The following TCF20 variants were observed in gnomAD, a reference collection of about 807,000 sequenced individuals.
TCF20 encodes the protein SPRE-binding protein.
Under a neutral mutation model 148.6 loss-of-function variants are expected in TCF20, and 3 were observed. The observed-to-expected ratio is 0.02, with a 90% CI of 0.01 to 0.05. TCF20 has a LOEUF of 0.05. Among genes scored for constraint, TCF20 ranks in the 10% least tolerant of loss-of-function variants. TCF20 has a pLI of 1.00. For missense variants in TCF20, 2,350 were observed against 2,429.3 expected, an observed-to-expected ratio of 0.97 and a Z score of 0.69; for synonymous variants, 1,049 against 909.5, an observed-to-expected ratio of 1.15 and a Z score of -2.76.
chr22:42,172,339 T>G (rs1729343477), intron 3 of TCF20, among the ~76,000 whole-genome samples: 1 of 152,196 alleles, frequency 6.6e-6, no homozygotes, highest in South Asian at 2.1e-4. Context: ...GTAAAACCTC[T>G]TCTGAGGACT....
rs1390135127 is a variant in TCF20 at position 42,160,165 on chromosome 22, GATTT to G, written c.*1234_*1237del. The G allele has an allele frequency of 6.6e-6, 1 of 152,420 alleles. No individual in the cohort carries two copies. Among genetic ancestry groups the G allele is most frequent in the Non-Finnish European group, 1.5e-5 (1 of 68,012 alleles). The allele number at this position is 152,420 out of a possible 1,614,324, so 9.4% of individuals were successfully genotyped here. On this transcript the variant is annotated 3_prime_UTR_variant, in exon 6 of 6. Coordinates refer to ENST00000677622, the MANE Select transcript of TCF20 (RefSeq NM_001378418.1). ...TAACCCCTTCTTAAGGCCATAACAA[GATTT>G]TTTTGTACTTTTTTCTTTTTTTAAA...
chr22:42,178,092 G>T (rs995290662), intron 3 of TCF20, among the ~76,000 whole-genome samples: 10 of 152,192 alleles, frequency 6.6e-5, no homozygotes, highest in African/African-American at 2.4e-4. Flanking sequence ...GATTCAGAGG[G>T]CTTCTGGACT....
In TCF20 at chr22:42,213,402, G is replaced by T. The variant is rs1395088146; in HGVS notation, c.1904C>A (p.Thr635Asn). The T allele has an allele frequency of 6.2e-7, 1 of 1,614,056 alleles. No individual in the cohort carries two copies. The highest frequency in any genetic ancestry group is 1.7e-5 in the Admixed American group (1 of 59,996). ...KGSQEDDPAA[T>N]QRPPSNGGAK... The stretch of plus-strand genomic sequence containing the variant: ...CCCACCATTGCTAGGTGGCCTTTGA[G>T]TGGCTGCAGGATCATCCTCTTGGGA... The change falls in exon 2 of 6, where the codon ACT (threonine) becomes AAT (asparagine). Residue 635 changes from threonine (T) to asparagine (N), a missense_variant. Coordinates refer to ENST00000677622, the MANE Select transcript of TCF20 (RefSeq NM_001378418.1).
chr22:42,243,850 G>A (rs1323866255), intron 1 of TCF20, among the ~76,000 whole-genome samples: 1 of 152,140 alleles, frequency 6.6e-6, no homozygotes, highest in Admixed American at 6.5e-5. Context: ...CAGGAAAAAT[G>A]AACCACAATG....
At chr22:42,275,722 G>A (rs1926763221) in intron 1 of TCF20, among the ~76,000 whole-genome samples, 1 of 152,156 alleles carries the variant, frequency 6.6e-6, no homozygotes, top group South Asian at 2.1e-4. Context: ...GACTTGCCCA[G>A]GTCACACAGC....
At chr22:42,314,222 C>T (rs2147044183) in intron 1 of TCF20, among the ~76,000 whole-genome samples, 1 of 152,370 alleles carries the variant, frequency 6.6e-6, no homozygotes, top group East Asian at 1.9e-4. Flanking sequence ...TGATGTGGTG[C>T]ATGTCTGGAA....
At chr22:42,166,211 T>A (rs1029264018) in intron 5 of TCF20, among the ~76,000 whole-genome samples, 2 of 152,216 alleles carry the variant, frequency 1.3e-5, no homozygotes, top group African/African-American at 4.8e-5. Context: ...CTCCAAGAGC[T>A]GAATGGAATG....
At chr22:42,221,324 C>G (rs1447080537) in intron 1 of TCF20, among the ~76,000 whole-genome samples, 1 of 152,176 alleles carries the variant, frequency 6.6e-6, no homozygotes, top group African/African-American at 2.4e-5. Flanking sequence ...AGCCTTAATT[C>G]CTGTATCAAA....
At chr22:42,207,928 C>T (rs1271171102) in intron 2 of TCF20, among the ~76,000 whole-genome samples, 1 of 152,228 alleles carries the variant, frequency 6.6e-6, no homozygotes, top group Non-Finnish European at 1.5e-5. Flanking sequence ...GTGGCTCACG[C>T]CTGTAATTCC....
At chr22:42,261,889 G>A (rs980696590) in intron 1 of TCF20, among the ~76,000 whole-genome samples, 2 of 152,218 alleles carry the variant, frequency 1.3e-5, no homozygotes, top group African/African-American at 2.4e-5. Flanking sequence ...TAGTCGGGAG[G>A]CTGAGGCAGG....
chr22:42,249,186 G>A (rs1925160895), intron 1 of TCF20, among the ~76,000 whole-genome samples: 1 of 152,166 alleles, frequency 6.6e-6, no homozygotes, highest in African/African-American at 2.4e-5. Context: ...GAGGCTTTTT[G>A]ACCTTGGACC....
At chr22:42,208,873 G>C (rs1056950907) in intron 2 of TCF20, among the ~76,000 whole-genome samples, 2 of 152,164 alleles carry the variant, frequency 1.3e-5, no homozygotes, top group Non-Finnish European at 1.5e-5. Context: ...AGATCTCATA[G>C]AGTAGCCAAC....
intron 2 of TCF20, among the ~76,000 whole-genome samples, chr22:42,184,643 T>C (rs577263653): frequency 6.6e-6 from 1 of 152,238 alleles, no homozygotes; most frequent in South Asian, 2.1e-4. Context: ...GGTAAGTCCA[T>C]ACAATACTGC....
At chr22:42,234,847 T>C (rs1306584907) in intron 1 of TCF20, among the ~76,000 whole-genome samples, 1 of 152,074 alleles carries the variant, frequency 6.6e-6, no homozygotes, top group Non-Finnish European at 1.5e-5. Flanking sequence ...TTCGGTAGCA[T>C]AAGAACTTTG....
At chr22:42,268,993 A>G (rs1351734004) in intron 1 of TCF20, among the ~76,000 whole-genome samples, 1 of 152,238 alleles carries the variant, frequency 6.6e-6, no homozygotes, top group Non-Finnish European at 1.5e-5. Context: ...AAACCCCTGT[A>G]CCGTCTGACC....
At chr22:42,179,000 T>C (rs1204385915) in intron 3 of TCF20, among the ~76,000 whole-genome samples, 1 of 133,608 alleles carries the variant, frequency 7.5e-6, no homozygotes, top group African/African-American at 2.9e-5. Context: ...AAAACCACAA[T>C]GAAATAACAT....
upstream of TCF20, among the ~76,000 whole-genome samples, chr22:42,287,483 C>A (rs927104249): frequency 1.3e-5 from 2 of 152,186 alleles, no homozygotes; most frequent in Non-Finnish European, 2.9e-5. Flanking sequence ...TACTCTACTG[C>A]ATCTCATCAT....
chr22:42,275,603 C>A (rs886728385), upstream of TCF20, among the ~76,000 whole-genome samples: 3 of 152,176 alleles, frequency 2.0e-5, no homozygotes, highest in Non-Finnish European at 2.9e-5. Flanking sequence ...TCAGGGGAGT[C>A]GGCGCCCTTA....
intron 2 of TCF20, among the ~76,000 whole-genome samples, chr22:42,187,639 G>C (rs181888125): frequency 6.6e-6 from 1 of 152,164 alleles, no homozygotes; most frequent in Non-Finnish European, 1.5e-5. Flanking sequence ...TTTCCCTTCC[G>C]ATGTCTTTGT....
Sources: allele counts gnomAD v4.1 joint callset (sites outside exome capture counted in the v4.1 genomes callset), GRCh38; gene constraint gnomAD v4.1.1; transcripts MANE v1.5; gene names NCBI Gene and HGNC (gene_info 2026-07-23, HGNC 2026-07-21).